SLC22A31: variants seen among roughly 807,000 people sequenced by gnomAD.
SLC22A31 encodes the protein solute carrier family 22 member 31.
SLC22A31 carries 42 observed loss-of-function variants against 27.4 expected under a neutral mutation model. The ratio of observed to expected loss-of-function variants is 1.53; its 90% CI spans 1.20 to 1.98. The LOEUF is 1.98. SLC22A31 is among the 30% of genes most tolerant of loss of function. The pLI is 0.00. For synonymous variants in SLC22A31, 290 were observed against 230.8 expected (o/e 1.26, Z -2.33); for missense variants, 593 against 479.9 (o/e 1.24, Z -2.20).
In SLC22A31 at chr16:89,198,671, C is replaced by T; in HGVS notation, c.579G>A (p.Glu193=). The T allele has an allele frequency of 6.5e-7, 1 of 1,535,708 alleles. No homozygotes were observed. Among genetic ancestry groups the T allele is most frequent in the Non-Finnish European group, 8.7e-7 (1 of 1,146,736 alleles). Residue 193 remains glutamate, a synonymous_variant, in exon 5 of 9, where the codon GAG becomes GAA. Transcript: ENST00000682282. ...CCTGACCTGTAGCCAGGGAGTTCTC[C>T]TCCAAGGAACTGTCCCCGGGGCCCA... is the stretch of plus-strand genomic sequence containing the variant. ...SGVGPGDSSL[E]ENSLATELTM...
chr16:89,198,400 C>T (rs1175463630), intron 6 of SLC22A31, 42 bp downstream of exon 6: 7 of 1,528,640 alleles, frequency 4.6e-6, no homozygotes, highest in African/African-American at 1.4e-5. Flanking sequence ...CATATGCCCA[C>T]CCCGGGGGAT....
intron 8 of SLC22A31, among the ~76,000 whole-genome samples, chr16:89,196,932 G>A (rs1471736041): frequency 4.0e-5 from 6 of 149,262 alleles, no homozygotes; most frequent in Admixed American, 2.7e-4. Context: ...GTGACAGAGC[G>A]AGACTCCATC....
In SLC22A31 at chr16:89,199,457, T is replaced by G; in HGVS notation, c.239A>C (p.His80Pro). The G allele has an allele frequency of 1.9e-6, 1 of 534,984 alleles. No homozygotes were observed. 33.1% of individuals were successfully genotyped at this position (534,984 alleles called of 1,614,324 possible). A position where few individuals can be genotyped will look rare whatever the true frequency, so the allele number is the denominator to read the frequency against. ...GAGGGCCCCTGCCAATGTGCCCCCG[T>G]GGAGTAGGCGCAGGACCAGCAGGGT... ...FPTLLVLRLL[H>P]GGTLAGALLA... Residue 80 changes from histidine (H) to proline (P), a missense_variant, in exon 3 of 9, where the codon CAC becomes CCC. Coordinates refer to ENST00000682282, the MANE Select transcript of SLC22A31 (RefSeq NM_001384763.1).
chr16:89,200,001 G>C (rs896502048), intron 1 of SLC22A31, 185 bp from the exon 2 acceptor site: 1 of 396,370 alleles, frequency 2.5e-6, no homozygotes, highest in Non-Finnish European at 4.4e-6. Context: ...CAGCCTCTCT[G>C]GTCTCCGGCA....
At position 89,197,331 on chromosome 16, in the gene SLC22A31, A is replaced by G. The variant is rs545097128; in HGVS notation, c.1001T>C (p.Leu334Pro). 6.5e-7 allele frequency: 1 copy of G among 1,535,846 alleles called. No individual in the cohort carries two copies. Among genetic ancestry groups the G allele is most frequent in the Non-Finnish European group, 8.7e-7 (1 of 1,146,814 alleles). Reference sequence around the variant, plus strand: ...CGTGGGGAAGACCTCGGCCGCGAAGAGGCTGCTGAGTGCGGACACAGCCCG... The same window carrying G: ...CGTGGGGAAGACCTCGGCCGCGAAGGGGCTGCTGAGTGCGGACACAGCCCG... Reference protein sequence around the residue: ...ASRAVSALSSLFAAEVFPTVI... With the variant: ...ASRAVSALSSPFAAEVFPTVI... The change falls in exon 8 of 9, where the codon CTC becomes CCC. Residue 334 changes from leucine to proline, a missense_variant. Physicochemically the swap from Leu to Pro is moderately conservative, Grantham distance 98. Transcript: ENST00000682282.
rs557294357 is a variant in SLC22A31 at position 89,196,944 on chromosome 16, C to CA, written c.1034+353dup. ...CTGGTGACAGAGCGAGACTCCATCT[C>CA]AAAAAAAAAAAAAAAGAAGAAGAAG... is the stretch of plus-strand genomic sequence containing the variant. On this transcript the variant is annotated intron_variant, in intron 8 of 8. Transcript: ENST00000682282. 7.8e-3 allele frequency among the ~76,000 whole-genome samples: 907 copies of CA among 115,624 alleles called. 15 individuals carry two copies. Among genetic ancestry groups the CA allele is most frequent in the African/African-American group, 0.021 (633 of 30,722 alleles). The allele number at this position is 115,624 out of a possible 152,430, so 75.9% of individuals were successfully genotyped here.
chr16:89,199,165 G>T lies in SLC22A31; in HGVS notation c.310C>A (p.Arg104Ser). 6.5e-7 allele frequency: 1 copy of T among 1,530,790 alleles called. No homozygotes were observed. Among genetic ancestry groups the T allele is most frequent in the South Asian group, 1.2e-5 (1 of 83,722 alleles). The allele number at this position is 1,530,790 out of a possible 1,614,324, so 94.8% of individuals were successfully genotyped here. A position where few individuals can be genotyped will look rare whatever the true frequency, so the allele number is the denominator to read the frequency against. The change falls in exon 4 of 9, where the codon CGC becomes AGC. Residue 104 changes from arginine to serine, a missense_variant. Arg to Ser is a moderately radical substitution (Grantham distance 110, BLOSUM62 -1). Coordinates refer to ENST00000682282, the MANE Select transcript of SLC22A31 (RefSeq NM_001384763.1). Reference sequence around the variant, plus strand: ...CCAGCCCCCATGGAGAAGGCCAGGCGGTGGGGAGGGTCACACAACTCCAGG... The same window carrying T: ...CCAGCCCCCATGGAGAAGGCCAGGCTGTGGGGAGGGTCACACAACTCCAGG... The part of the protein sequence containing the change: ...ARLELCDPPH[R>S]LAFSMGAGLF...
chr16:89,197,337 C>T lies in SLC22A31; in HGVS notation c.995G>A (p.Ser332Asn). 2 of 1,535,888 alleles carry T rather than the reference C, an allele frequency of 1.3e-6. No homozygotes were observed. The highest frequency in any genetic ancestry group is 1.2e-5 in the South Asian group (1 of 84,058). ...LLASRAVSAL[S>N]SLFAAEVFPT... The stretch of plus-strand genomic sequence containing the variant: ...GAAGACCTCGGCCGCGAAGAGGCTG[C>T]TGAGTGCGGACACAGCCCGGGAGGC... Residue 332 changes from serine (S) to asparagine (N), a missense_variant, in exon 8 of 9, where the codon AGC (serine) becomes AAC (asparagine). Coordinates refer to ENST00000682282, the MANE Select transcript of SLC22A31 (RefSeq NM_001384763.1).
rs1461013752 is a variant in SLC22A31, at chr16:89,197,400, C to G, written c.932G>C (p.Gly311Ala). The G allele has an allele frequency of 6.5e-7, 1 of 1,535,584 alleles. No individual in the cohort carries two copies. Among genetic ancestry groups the G allele is most frequent in the Admixed American group, 2.0e-5 (1 of 50,990 alleles). ...LLLAGAQYLPGWTVLFLSVLG... is the reference protein window; with the variant it reads ...LLLAGAQYLPAWTVLFLSVLG... ...GACAGAGAGGAACAGCACAGTCCAG[C>G]CTGGCAGATCTGGGGACAAAGAACA... The change falls in exon 8 of 9, where the codon GGC (glycine) becomes GCC (alanine). Residue 311 changes from glycine to alanine, a missense_variant. Physicochemically the swap from Gly to Ala is moderately conservative, Grantham distance 60 (BLOSUM62 0). Coordinates refer to ENST00000682282, the MANE Select transcript of SLC22A31 (RefSeq NM_001384763.1).
In SLC22A31 at chr16:89,198,702, C is replaced by G; in HGVS notation, c.548G>C (p.Ser183Thr). Residue 183 changes from serine to threonine, a missense_variant, in exon 5 of 9, where the codon AGT becomes ACT. Physicochemically the swap from Ser to Thr is moderately conservative, Grantham distance 58. Transcript: ENST00000682282. The stretch of plus-strand genomic sequence containing the variant: ...GGAACTGTCCCCGGGGCCCACGCCA[C>G]TGGCTTCTGCAAAGCGCCACAGGAT... Reference protein sequence around the residue: ...RKILWRFAEASGVGPGDSSLE... With the variant: ...RKILWRFAEATGVGPGDSSLE... 1 of 1,535,812 alleles carries G rather than the reference C, an allele frequency of 6.5e-7. No individual in the cohort carries two copies. Among genetic ancestry groups the G allele is most frequent in the Non-Finnish European group, 8.7e-7 (1 of 1,146,808 alleles).
Position 89,196,038 on chromosome 16 carries a change from G to C in SLC22A31, c.1302C>G (p.Ser434=), listed in dbSNP as rs902555346. Residue 434 remains serine (S), a synonymous_variant, in exon 9 of 9, where the codon TCC becomes TCG. Transcript: ENST00000682282. ...GGGTGTGGCCGGCCCAGTAGGAGTTGGAGGGCGGCAGCAGAGGCAGGTGGT... is the reference window on the plus strand; with the variant it reads ...GGGTGTGGCCGGCCCAGTAGGAGTTCGAGGGCGGCAGCAGAGGCAGGTGGT... ...RQDHLPLLPP[S]NSYWAGHTPE... 5.9e-5 allele frequency: 90 copies of C among 1,528,084 alleles called. No individual in the cohort carries two copies. Among genetic ancestry groups the C allele is most frequent in the Middle Eastern group, 4.4e-4 (2 of 4,522 alleles). 94.7% of individuals were successfully genotyped at this position (1,528,084 alleles called of 1,614,324 possible).
chr16:89,198,847 G>A, intron 4 of SLC22A31, 50 bp from the exon 5 acceptor site: 2 of 1,508,492 alleles, frequency 1.3e-6, no homozygotes, highest in African/African-American at 1.4e-5. Context: ...CCTCCTGGAA[G>A]GAGAGGCAAA....
At chr16:89,201,533 C>A, upstream of SLC22A31, 1 of 398,036 alleles carries the variant, frequency 2.5e-6, no homozygotes, top group Non-Finnish European at 4.4e-6. Flanking sequence ...GCGCGGGCTG[C>A]GCGGTAAGCA....
chr16:89,199,125 A>C lies in SLC22A31; in HGVS notation c.350T>G (p.Val117Gly). 3 of 1,535,514 alleles carry C rather than the reference A, an allele frequency of 2.0e-6. No homozygotes were observed. Among genetic ancestry groups the C allele is most frequent in the East Asian group, 2.4e-5 (1 of 40,912 alleles). ...CAGGCCGGGCAGCAGCAGGGTGCCC[A>C]CCACCGAGAAAAGGCCAGCCCCCAT... Reference protein sequence around the residue: ...FSMGAGLFSVVGTLLLPGLAA... With the variant: ...FSMGAGLFSVGGTLLLPGLAA... The change falls in exon 4 of 9, where the codon GTG becomes GGG. Residue 117 changes from valine (V) to glycine (G), a missense_variant. Coordinates refer to ENST00000682282, the MANE Select transcript of SLC22A31 (RefSeq NM_001384763.1).
Position 89,198,519 on chromosome 16 carries a change from C to A in SLC22A31, c.630G>T (p.Gln210His). 6.6e-7 allele frequency: 1 copy of A among 1,510,706 alleles called. No individual in the cohort carries two copies. The highest frequency in any genetic ancestry group is 1.4e-5 in the African/African-American group (1 of 72,620). 93.6% of individuals were successfully genotyped at this position (1,510,706 alleles called of 1,614,324 possible). ...GCCCCAGTGGGGAGTGGTACCGGGG[C>A]TGGGGGCTCCGTGCAGACAGCATGG... is the stretch of plus-strand genomic sequence containing the variant. ...ELTMLSARSP[Q>H]PRYHSPLGLL... is the part of the protein sequence containing the mutation. The change falls in exon 6 of 9, where the codon CAG becomes CAT. Residue 210 changes from glutamine (Q) to histidine (H), a missense_variant. Physicochemically the swap from Gln to His is conservative, Grantham distance 24. Transcript: ENST00000682282.
chr16:89,198,943 G>A, intron 4 of SLC22A31, 80 bp downstream of exon 4: 1 of 1,499,902 alleles, frequency 6.7e-7, no homozygotes, highest in Admixed American at 2.1e-5. Flanking sequence ...CGTTTACCTG[G>A]CATGGGATAC....
chr16:89,198,743 T>C lies in SLC22A31; in HGVS notation c.507A>G (p.Val169=), dbSNP rs1916240216. 5 of 1,535,558 alleles carry C rather than the reference T, an allele frequency of 3.3e-6. No homozygotes were observed. The African/African-American group carries it at 5.5e-5, about 17-fold the overall frequency. ...SPCWLLATGQ[V]ARARKILWRF... The stretch of plus-strand genomic sequence containing the variant: ...GCCACAGGATCTTCCTGGCTCGAGC[T>C]ACCTGACCTGTGGCCAGCAGCCAGC... Residue 169 remains valine (V), a synonymous_variant, in exon 5 of 9, where the codon GTA becomes GTG. Transcript: ENST00000682282.
At chr16:89,201,039 C>T (rs1016320266), upstream of SLC22A31, 1 of 362,558 alleles carries the variant, frequency 2.8e-6, no homozygotes, top group African/African-American at 2.1e-5. Context: ...CCTGGCAGCT[C>T]CCAGGCCCAG....
At position 89,199,144 on chromosome 16, in the gene SLC22A31, C is replaced by A; in HGVS notation, c.331G>T (p.Ala111Ser). Residue 111 changes from alanine to serine, a missense_variant, in exon 4 of 9, where the codon GCT (alanine) becomes TCT (serine). By Grantham distance (99) the Ala-to-Ser change is moderately conservative. Coordinates refer to ENST00000682282, the MANE Select transcript of SLC22A31 (RefSeq NM_001384763.1). The stretch of plus-strand genomic sequence containing the variant: ...GTGCCCACCACCGAGAAAAGGCCAG[C>A]CCCCATGGAGAAGGCCAGGCGGTGG... ...PPHRLAFSMG[A>S]GLFSVVGTLL... 2 of 1,534,290 alleles carry A rather than the reference C, an allele frequency of 1.3e-6. No homozygotes were observed. The highest frequency in any genetic ancestry group is 1.4e-5 in the African/African-American group (1 of 73,040).
Sources: allele counts gnomAD v4.1 joint callset (sites outside exome capture counted in the v4.1 genomes callset), GRCh38; gene constraint gnomAD v4.1.1; transcripts MANE v1.5; gene names NCBI Gene and HGNC (gene_info 2026-07-23, HGNC 2026-07-21).